RNF157: variants seen among roughly 807,000 people sequenced by gnomAD.
The protein encoded by RNF157 is E3 ubiquitin ligase RNF157.
RNF157 carries 55 observed loss-of-function variants against 88.3 expected under a neutral mutation model. The observed-to-expected ratio is 0.62, with a 90% CI of 0.50 to 0.78. The LOEUF is 0.78. RNF157 is among the 30% of genes least tolerant of loss of function. The pLI is 0.00. For missense variants in RNF157, 788 were observed against 860.8 expected, an observed-to-expected ratio of 0.92 and a Z score of 1.06; for synonymous variants, 334 against 341.2, an observed-to-expected ratio of 0.98 and a Z score of 0.23.
At chr17:76,210,482 CA>C (rs2069771260) in intron 2 of RNF157, among the ~76,000 whole-genome samples, 2 of 147,486 alleles carry the variant, frequency 1.4e-5, no homozygotes, top group Admixed American at 1.4e-4. Context: ...CCCAGCTACT[CA>C]GGAGGCTGAG....
At chr17:76,154,182 C>T (rs973251871) in intron 17 of RNF157, 101 bp downstream of exon 17, 1 of 834,576 alleles carries the variant, frequency 1.2e-6, no homozygotes, top group South Asian at 1.4e-5. Flanking sequence ...TACAACTGAG[C>T]AGCGCCACCA....
At position 76,195,810 on chromosome 17, in the gene RNF157, T is replaced by C. The variant is rs1389044133; in HGVS notation, c.207+16554A>G. ...CAACTCCAGAGGTGGGGCTCGCACA[T>C]CAGACTAAATTGAGCACAAGCTAAA... On this transcript the variant is annotated intron_variant, in intron 2 of 18. Coordinates refer to ENST00000269391, the MANE Select transcript of RNF157 (RefSeq NM_052916.3). The surrounding 1 kb of genome is among the most constrained non-coding windows in gnomAD (Gnocchi z 4.4). Among the ~76,000 whole-genome samples, 1 of 152,110 alleles carries C rather than the reference T, an allele frequency of 6.6e-6. No individual in the cohort carries two copies. Among genetic ancestry groups the C allele is most frequent in the Non-Finnish European group, 1.5e-5 (1 of 68,018 alleles).
rs747316008 is a variant in RNF157 at position 76,157,640 on chromosome 17, T to C, written c.1413+753A>G. Among the ~76,000 whole-genome samples, 2 of 152,212 alleles carry C rather than the reference T, an allele frequency of 1.3e-5. No individual in the cohort carries two copies. The highest frequency in any genetic ancestry group is 2.9e-5 in the Non-Finnish European group (2 of 68,040). ...AAAATTTACTTAGTCATTGAACAAA[T>C]ACTTACTGAGCAACAACAACGTGCC... On this transcript the variant is annotated intron_variant, in intron 13 of 18. Coordinates refer to ENST00000269391, the MANE Select transcript of RNF157 (RefSeq NM_052916.3). This position sits in a 1 kb window ranked among gnomAD's most constrained non-coding sequence, Gnocchi z 5.6.
At chr17:76,168,337 T>A (rs1459642472) in intron 3 of RNF157, among the ~76,000 whole-genome samples, 1 of 152,184 alleles carries the variant, frequency 6.6e-6, no homozygotes, top group African/African-American at 2.4e-5. Context: ...AATAGTCCAG[T>A]ACATTTGTGT....
chr17:76,204,543 A>C (rs1439083654), intron 2 of RNF157, among the ~76,000 whole-genome samples: 1 of 152,238 alleles, frequency 6.6e-6, no homozygotes, highest in African/African-American at 2.4e-5. Context: ...ATGAATGAAT[A>C]GCACCGGGAC....
rs1184579767 is a variant in RNF157, at chr17:76,176,358, A to C, written c.208-2568T>G. On this transcript the variant is annotated intron_variant, in intron 2 of 18. Coordinates refer to ENST00000269391, the MANE Select transcript of RNF157 (RefSeq NM_052916.3). The surrounding 1 kb of genome is among the most constrained non-coding windows in gnomAD (Gnocchi z 4.2). ...ATCTGGGATCCTAAAGGATAAATGA[A>C]ATTTGCAAATTCAGAGATAACAGAG... Among the ~76,000 whole-genome samples, 1 of 152,174 alleles carries C rather than the reference A, an allele frequency of 6.6e-6. No individual in the cohort carries two copies. Among genetic ancestry groups the C allele is most frequent in the African/African-American group, 2.4e-5 (1 of 41,438 alleles).
chr17:76,172,264 A>G (rs2069026151), intron 3 of RNF157, among the ~76,000 whole-genome samples: 1 of 152,174 alleles, frequency 6.6e-6, no homozygotes, highest in East Asian at 1.9e-4. Context: ...CAGTGAGCTG[A>G]GATCGTGCCA....
In RNF157 at chr17:76,144,981, T is replaced by C. The variant is rs1018751943; in HGVS notation, c.*254A>G. On this transcript the variant is annotated 3_prime_UTR_variant, in exon 19 of 19. Transcript: ENST00000269391. ...CCCCAGCTCCACCTGAACATCAATA[T>C]ACCGTGAGGACATTCCAGAGTCCCT... 2.6e-5 allele frequency: 11 copies of C among 422,050 alleles called. No homozygotes were observed. The highest frequency in any genetic ancestry group is 6.0e-4 in the Middle Eastern group (1 of 1,678). The allele number at this position is 422,050 out of a possible 1,614,324, so 26.1% of individuals were successfully genotyped here.
rs1422908169 is a variant in RNF157, at chr17:76,143,533, A to AG, written c.*1701dup. 6.6e-6 allele frequency: 1 copy of AG among 152,214 alleles called. No individual in the cohort carries two copies. Among genetic ancestry groups the AG allele is most frequent in the Non-Finnish European group, 1.5e-5 (1 of 68,038 alleles). 9.4% of individuals were successfully genotyped at this position (152,214 alleles called of 1,614,324 possible). A position where few individuals can be genotyped will look rare whatever the true frequency, so the allele number is the denominator to read the frequency against. ...ACTATGAAAGGGGCGGGAAGAATGTAGGGGGAAGGAAGGAAAGAACATTAG... is the reference window on the plus strand; with the variant it reads ...ACTATGAAAGGGGCGGGAAGAATGTAGGGGGGAAGGAAGGAAAGAACATTAG... On this transcript the variant is annotated 3_prime_UTR_variant, in exon 19 of 19. Transcript: ENST00000269391.
In RNF157 at chr17:76,195,684, G is replaced by A. The variant is rs1000083361; in HGVS notation, c.207+16680C>T. Among the ~76,000 whole-genome samples, 3 of 152,200 alleles carry A rather than the reference G, an allele frequency of 2.0e-5. No individual in the cohort carries two copies. The East Asian group carries it at 5.8e-4, about 29-fold the overall frequency. Reference sequence around the variant, plus strand: ...TATTCACACAATGAAATACTATGCAGCAATGGAAATGAACCGTACACAGCA... The same window carrying A: ...TATTCACACAATGAAATACTATGCAACAATGGAAATGAACCGTACACAGCA... On this transcript the variant is annotated intron_variant, in intron 2 of 18. Transcript: ENST00000269391. The surrounding 1 kb of genome is among the most constrained non-coding windows in gnomAD (Gnocchi z 4.4).
At chr17:76,219,897 AT>A (rs2069951629) in intron 1 of RNF157, among the ~76,000 whole-genome samples, 1 of 152,182 alleles carries the variant, frequency 6.6e-6, no homozygotes, top group South Asian at 2.1e-4. Context: ...GTGATTTTCA[AT>A]TTTATCATAC....
intron 18 of RNF157, among the ~76,000 whole-genome samples, chr17:76,151,458 G>C (rs1017355383): frequency 1.3e-5 from 2 of 152,316 alleles, no homozygotes; most frequent in Admixed American, 1.3e-4. Flanking sequence ...CTGGACCCGT[G>C]ATGTGGCTGT....
chr17:76,203,667 G>A (rs1427146496), intron 2 of RNF157, among the ~76,000 whole-genome samples: 1 of 151,456 alleles, frequency 6.6e-6, no homozygotes, highest in African/African-American at 2.4e-5. Flanking sequence ...GGCCAGGCTG[G>A]TCTTAAACTC....
chr17:76,237,374 G>C (rs1040465420), intron 1 of RNF157, among the ~76,000 whole-genome samples: 4 of 152,218 alleles, frequency 2.6e-5, no homozygotes, highest in African/African-American at 9.6e-5. Context: ...CCAGATAGTG[G>C]TCTCAACTTA....
chr17:76,182,129 G>A (rs56897111), intron 2 of RNF157, among the ~76,000 whole-genome samples: 1 of 152,042 alleles, frequency 6.6e-6, no homozygotes, highest in East Asian at 1.9e-4. Flanking sequence ...GGACTGGGCT[G>A]CTGTGTCTGT....
intron 2 of RNF157, among the ~76,000 whole-genome samples, chr17:76,210,331 T>C (rs9900975): frequency 0.61 from 92,115 of 151,512 alleles, 28,556 homozygotes; most frequent in East Asian, 0.84. Context: ...CAGTGGCTCA[T>C]GCCTGTAATC....
At chr17:76,207,472 C>T (rs1279510449) in intron 2 of RNF157, among the ~76,000 whole-genome samples, 1 of 151,972 alleles carries the variant, frequency 6.6e-6, no homozygotes, top group East Asian at 1.9e-4. Flanking sequence ...AGTGGTAGAT[C>T]TGTGGTGCGA....
chr17:76,226,040 GCAGACCCA>G, intron 1 of RNF157: 1 of 1,610,402 alleles, frequency 6.2e-7, no homozygotes, highest in Non-Finnish European at 8.5e-7. Flanking sequence ...TTTGGGGTGG[GCAGACCCA>G]CAGAGAACAC....
rs1017433140 is a variant in RNF157, at chr17:76,195,435, A to G, written c.207+16929T>C. On this transcript the variant is annotated intron_variant, in intron 2 of 18. Transcript: ENST00000269391. The surrounding 1 kb of genome is among the most constrained non-coding windows in gnomAD (Gnocchi z 4.4). ...GGACATTCTAAACACTGCTAGTGGG[A>G]AAAAAAAATTGGTAGAATCACTTTG... Among the ~76,000 whole-genome samples the G allele has an allele frequency of 6.9e-6, 1 of 144,790 alleles. No individual in the cohort carries two copies. The highest frequency in any genetic ancestry group is 1.6e-5 in the Non-Finnish European group (1 of 63,806). 95.0% of individuals were successfully genotyped at this position (144,790 alleles called of 152,430 possible). A position where few individuals can be genotyped will look rare whatever the true frequency, so the allele number is the denominator to read the frequency against.
Sources: gnomAD v4.1 joint callset for allele counts (sites outside exome capture counted in the v4.1 genomes callset) on GRCh38, gnomAD v4.1.1 for gene constraint, Gnocchi (gnomAD v3.1) non-coding constraint, MANE v1.5 for transcripts, NCBI Gene and HGNC (gene_info 2026-07-23, HGNC 2026-07-21) for gene names.